Variants in CCDC68 observed in about 807,000 individuals in gnomAD.
CCDC68 encodes coiled-coil domain-containing protein 68.
CCDC68 carries 45 observed loss-of-function variants against 47.1 expected under a neutral mutation model. The observed-to-expected ratio is 0.96, with a 90% CI of 0.75 to 1.23. The LOEUF is 1.23. Among genes scored for constraint, CCDC68 ranks in the 50% most tolerant of loss-of-function variants. The pLI, the probability that CCDC68 is intolerant of heterozygous loss-of-function variation, is 0.00. For synonymous variants in CCDC68, 131 were observed against 129.5 expected (o/e 1.01, Z -0.08); for missense variants, 353 against 373.6 (o/e 0.94, Z 0.45).
chr18:54,936,113 TATAG>T (rs1159911238), intron 6 of CCDC68, among the ~76,000 whole-genome samples: 3 of 146,372 alleles, frequency 2.0e-5, no homozygotes, highest in Admixed American at 6.9e-5. Flanking sequence ...ATATTATTTA[TATAG>T]ATAAATATAT....
intron 4 of CCDC68, among the ~76,000 whole-genome samples, chr18:54,938,327 CTTTTATA>C (rs2044383275): frequency 6.6e-6 from 1 of 152,150 alleles, no homozygotes; most frequent in Non-Finnish European, 1.5e-5. Flanking sequence ...GACATTTTAA[CTTTTATA>C]TTTTCTATAG....
At chr18:54,957,074 T>A (rs2044723988) in intron 1 of CCDC68, among the ~76,000 whole-genome samples, 1 of 152,204 alleles carries the variant, frequency 6.6e-6, no homozygotes, top group Non-Finnish European at 1.5e-5. Flanking sequence ...CAGTTTTAAA[T>A]TTTTTGTTCA....
At chr18:54,924,277 G>C (rs890947511) in intron 8 of CCDC68, among the ~76,000 whole-genome samples, 5 of 151,808 alleles carry the variant, frequency 3.3e-5, no homozygotes, top group African/African-American at 1.2e-4. Context: ...AAAAGCCCTG[G>C]ATATTGTATA....
intron 11 of CCDC68, among the ~76,000 whole-genome samples, chr18:54,904,661 G>A (rs1228555480): frequency 6.6e-6 from 1 of 152,200 alleles, no homozygotes; most frequent in Non-Finnish European, 1.5e-5. Flanking sequence ...GAGGGAGCAT[G>A]AGGGAAGCCG....
intron 6 of CCDC68, among the ~76,000 whole-genome samples, chr18:54,935,163 A>C (rs1163059871): frequency 6.6e-6 from 1 of 152,236 alleles, no homozygotes; most frequent in Non-Finnish European, 1.5e-5. Context: ...TATTCTTCCT[A>C]GAATGTTTCC....
intron 1 of CCDC68, among the ~76,000 whole-genome samples, chr18:54,949,424 T>A (rs1364152823): frequency 6.6e-6 from 1 of 152,204 alleles, no homozygotes; most frequent in Non-Finnish European, 1.5e-5. Flanking sequence ...AGGAGTTGTC[T>A]CCTTGGCCAC....
rs757418731 is a variant in CCDC68 at position 54,928,785 on chromosome 18, G to T, written c.683+15C>A. The T allele has an allele frequency of 1.3e-6, 2 of 1,569,360 alleles. No individual in the cohort carries two copies. The highest frequency in any genetic ancestry group is 2.2e-5 in the South Asian group (2 of 89,912). On this transcript the variant is annotated intron_variant, in intron 8 of 11. Transcript: ENST00000591504. Reference sequence around the variant, plus strand: ...AATCAGGAACTGCCTTTACTTAACAGGTAGCTTCACAAACCTTTTTCCATA... The same window carrying T: ...AATCAGGAACTGCCTTTACTTAACATGTAGCTTCACAAACCTTTTTCCATA...
At chr18:54,944,924 T>C (rs1234776263) in intron 2 of CCDC68, among the ~76,000 whole-genome samples, 7 of 152,188 alleles carry the variant, frequency 4.6e-5, no homozygotes, top group Admixed American at 3.3e-4. Flanking sequence ...ATGCAACATA[T>C]GAATCTTGTT....
At chr18:54,905,433 G>GGAAGGA (rs1409210510) in intron 11 of CCDC68, among the ~76,000 whole-genome samples, 1 of 149,026 alleles carries the variant, frequency 6.7e-6, no homozygotes, top group Admixed American at 6.7e-5. Context: ...AAGGAAGGAA[G>GGAAGGA]ATCTATATGT....
Position 54,934,986 on chromosome 18 carries a change from T to C in CCDC68, c.472-38A>G, listed in dbSNP as rs543791862. ...AATCAGTTGTGTTGTGAAAACTCTG[T>C]TTTTCTTAAACCTATACACATATTA... On this transcript the variant is annotated intron_variant, in intron 6 of 11. Transcript: ENST00000591504. 2.0e-6 allele frequency: 3 copies of C among 1,493,118 alleles called. No individual in the cohort carries two copies. The African/African-American group carries it at 4.3e-5, about 21-fold the overall frequency. 92.5% of individuals were successfully genotyped at this position (1,493,118 alleles called of 1,614,324 possible).
chr18:54,934,925 C>T lies in CCDC68; in HGVS notation c.495G>A (p.Gln165=). The T allele has an allele frequency of 6.3e-7, 1 of 1,592,510 alleles. No homozygotes were observed. Among genetic ancestry groups the T allele is most frequent in the Non-Finnish European group, 8.5e-7 (1 of 1,171,650 alleles). Reference sequence around the variant, plus strand: ...GATTTTCAACATGTTGTTTCAATTTCTGTTCTTTTTCAAGCTTGTTAACCT... The same window carrying T: ...GATTTTCAACATGTTGTTTCAATTTTTGTTCTTTTTCAAGCTTGTTAACCT... ...LLQVNKLEKE[Q]KLKQHVENLN... is the part of the protein sequence containing the mutation. Residue 165 remains glutamine (Q), a synonymous_variant, in exon 7 of 12, where the codon CAG becomes CAA. Transcript: ENST00000591504.
chr18:54,933,687 T>G (rs2044300563), intron 7 of CCDC68, among the ~76,000 whole-genome samples: 1 of 152,234 alleles, frequency 6.6e-6, no homozygotes, highest in Non-Finnish European at 1.5e-5. Context: ...CTGGATAAAC[T>G]AATTGCTTAA....
Position 54,919,337 on chromosome 18 carries a change from C to T in CCDC68, c.723G>A (p.Glu241=). 1 of 1,614,066 alleles carries T rather than the reference C, an allele frequency of 6.2e-7. No homozygotes were observed. Among genetic ancestry groups the T allele is most frequent in the East Asian group, 2.2e-5 (1 of 44,892 alleles). The stretch of plus-strand genomic sequence containing the variant: ...TCACAAACTGCAGATGAGAGATCTG[C>T]TCCTGGAGAATGGAAATCTCCCTCT... ...DLQREISILQ[E]QISHLQFVIH... is the part of the protein sequence containing the mutation. Residue 241 remains glutamate (E), a synonymous_variant, in exon 9 of 12, where the codon GAG becomes GAA. Transcript: ENST00000591504.
intron 6 of CCDC68, among the ~76,000 whole-genome samples, chr18:54,935,553 G>C (rs972888475): frequency 6.6e-6 from 1 of 152,192 alleles, no homozygotes; most frequent in African/African-American, 2.4e-5. Context: ...TAAATACCAA[G>C]TGGGCCTTCC....
At chr18:54,935,432 G>T (rs1055974821) in intron 6 of CCDC68, among the ~76,000 whole-genome samples, 8 of 152,188 alleles carry the variant, frequency 5.3e-5, no homozygotes, top group Non-Finnish European at 1.5e-5. Flanking sequence ...ACTCCATCTA[G>T]CAGGCAGTAA....
intron 1 of CCDC68, chr18:54,954,583 G>A (rs2044680473): frequency 6.6e-6 from 1 of 152,138 alleles, no homozygotes; most frequent in Non-Finnish European, 1.5e-5. Context: ...TACTAATCAA[G>A]CCTTCTTTCT....
intron 1 of CCDC68, among the ~76,000 whole-genome samples, chr18:54,949,764 T>C (rs371060408): frequency 1.0e-3 from 158 of 152,264 alleles, no homozygotes; most frequent in African/African-American, 3.7e-3. Flanking sequence ...AGGGACAACA[T>C]CTAGAATCAG....
rs544467897 is a variant in CCDC68, at chr18:54,948,266, A to G, written c.-102-2789T>C. Reference sequence around the variant, plus strand: ...TATGACTGATATCCTTATGAAAAGGAGCAATGTGTCGAGAGATGAGAACAC... The same window carrying G: ...TATGACTGATATCCTTATGAAAAGGGGCAATGTGTCGAGAGATGAGAACAC... On this transcript the variant is annotated intron_variant, in intron 1 of 11. Transcript: ENST00000591504. Among the ~76,000 whole-genome samples, 84 of 152,262 alleles carry G rather than the reference A, an allele frequency of 5.5e-4. 1 individual carries two copies. Among genetic ancestry groups the G allele is most frequent in the African/African-American group, 1.9e-3 (79 of 41,540 alleles).
At chr18:54,905,970 G>T (rs1340179185) in intron 11 of CCDC68, among the ~76,000 whole-genome samples, 1 of 152,170 alleles carries the variant, frequency 6.6e-6, no homozygotes, top group South Asian at 2.1e-4. Flanking sequence ...AGAATCTAAT[G>T]CCTGAACATC....
Sources: allele counts gnomAD v4.1 joint callset (sites outside exome capture counted in the v4.1 genomes callset), GRCh38; gene constraint gnomAD v4.1.1; transcripts MANE v1.5; gene names NCBI Gene and HGNC (gene_info 2026-07-23, HGNC 2026-07-21).